The following ALPK2 variants were observed in gnomAD, a reference collection of about 807,000 sequenced individuals.
ALPK2 encodes alpha-protein kinase 2.
Under a neutral mutation model 163.1 loss-of-function variants are expected in ALPK2, and 127 were observed. That is an observed-to-expected ratio of 0.78 (90% CI 0.67 to 0.90). ALPK2 has a LOEUF of 0.90. Among genes scored for constraint, ALPK2 ranks in the 40% least tolerant of loss-of-function variants. ALPK2 has a pLI of 0.00. For synonymous variants in ALPK2, 953 were observed against 959.1 expected (o/e 0.99, Z 0.12); for missense variants, 2,360 against 2,589.6 (o/e 0.91, Z 1.92).
At chr18:58,486,769 G>A (rs1397131768) in intron 12 of ALPK2, among the ~76,000 whole-genome samples, 1 of 152,152 alleles carries the variant, frequency 6.6e-6, no homozygotes, top group Admixed American at 6.5e-5. Context: ...CTGCTGCTTT[G>A]ACCCGTTCTC....
rs888991285 is a variant in ALPK2 at position 58,517,791 on chromosome 18, G to A, written c.5666-609C>T. Reference sequence around the variant, plus strand: ...AATACTGCCTCCATTGAGAAAGCATGTGATAAGTATAGGAAACAGGTAGCA... The same window carrying A: ...AATACTGCCTCCATTGAGAAAGCATATGATAAGTATAGGAAACAGGTAGCA... On this transcript the variant is annotated intron_variant, in intron 8 of 12. Coordinates refer to ENST00000361673, the MANE Select transcript of ALPK2 (RefSeq NM_052947.4). Among the ~76,000 whole-genome samples the A allele has an allele frequency of 3.3e-5, 5 of 151,988 alleles. No individual in the cohort carries two copies. The East Asian group carries it at 9.6e-4, about 29-fold the overall frequency.
At chr18:58,557,286 C>G (rs2051798088) in intron 4 of ALPK2, 1 of 152,188 alleles carries the variant, frequency 6.6e-6, no homozygotes, top group Non-Finnish European at 1.5e-5. Context: ...TGGCTAAGAA[C>G]ACTGCCATAC....
At chr18:58,591,257 A>G (rs555339582) in intron 3 of ALPK2, among the ~76,000 whole-genome samples, 6 of 152,226 alleles carry the variant, frequency 3.9e-5, no homozygotes, top group Non-Finnish European at 7.3e-5. Context: ...CAGATACAGG[A>G]ATTGGAACTA....
intron 12 of ALPK2, among the ~76,000 whole-genome samples, chr18:58,496,879 C>T (rs1247958655): frequency 2.6e-5 from 4 of 152,168 alleles, no homozygotes; most frequent in Non-Finnish European, 1.5e-5. Flanking sequence ...ACCCCTAATA[C>T]CCCCTCTGTG....
rs1415975008 is a variant in ALPK2, at chr18:58,537,281, G to C, written c.2906C>G (p.Ala969Gly). The change falls in exon 5 of 13, where the codon GCA becomes GGA. Residue 969 changes from alanine to glycine, a missense_variant. Coordinates refer to ENST00000361673, the MANE Select transcript of ALPK2 (RefSeq NM_052947.4). ...GGDKSPSPSA[A>G]DTTATPASYS... ...ACTGGCTGGTGTGGCTGTGGTGTCT[G>C]CGGCACTAGGACTGGGGCTCTTGTC... is the stretch of plus-strand genomic sequence containing the variant. 1 of 1,614,198 alleles carries C rather than the reference G, an allele frequency of 6.2e-7. No individual in the cohort carries two copies. The highest frequency in any genetic ancestry group is 8.5e-7 in the Non-Finnish European group (1 of 1,180,018).
chr18:58,580,201 C>T lies in ALPK2; in HGVS notation c.575G>A (p.Gly192Asp). 1 of 1,614,160 alleles carries T rather than the reference C, an allele frequency of 6.2e-7. No homozygotes were observed. Among genetic ancestry groups the T allele is most frequent in the Non-Finnish European group, 8.5e-7 (1 of 1,180,034 alleles). ...TCCAGTGTGCCTTGTTCCTTTAACACCCAAAGGATTTTCAGAACTGGACAC... is the reference window on the plus strand; with the variant it reads ...TCCAGTGTGCCTTGTTCCTTTAACATCCAAAGGATTTTCAGAACTGGACAC... ...ISVSSSENPL[G>D]VKGTRHTGEA... Residue 192 changes from glycine to aspartate, a missense_variant, in exon 4 of 13, where the codon GGT (glycine) becomes GAT (aspartate). Physicochemically the swap from Gly to Asp is moderately conservative, Grantham distance 94. Coordinates refer to ENST00000361673, the MANE Select transcript of ALPK2 (RefSeq NM_052947.4).
intron 3 of ALPK2, among the ~76,000 whole-genome samples, chr18:58,592,355 T>G (rs960292590): frequency 1.3e-5 from 2 of 152,224 alleles, no homozygotes; most frequent in African/African-American, 4.8e-5. Flanking sequence ...CAGCCAGCAC[T>G]TCTGGTGGTT....
Position 58,536,497 on chromosome 18 carries a change from C to T in ALPK2, c.3690G>A (p.Trp1230Ter). The T allele has an allele frequency of 6.2e-7, 1 of 1,613,894 alleles. No homozygotes were observed. The highest frequency in any genetic ancestry group is 2.2e-5 in the East Asian group (1 of 44,892). ...EESKEYRPGN[W>*]EAGNKLKIIT... ...TAATCTTCAGCTTGTTGCCTGCCTC[C>T]CAATTTCCAGGTCTATATTCTTTAG... is the stretch of plus-strand genomic sequence containing the variant. The change falls in exon 5 of 13, where the codon TGG becomes TGA. Residue 1230 changes from tryptophan (W) to a stop codon, truncating the protein, a stop_gained. Transcript: ENST00000361673. LOFTEE classifies it high-confidence loss of function.
chr18:58,549,914 G>A (rs1438919695), intron 4 of ALPK2, among the ~76,000 whole-genome samples: 2 of 152,072 alleles, frequency 1.3e-5, no homozygotes, highest in Non-Finnish European at 2.9e-5. Context: ...CCCTTAGCTT[G>A]CTCCACCACA....
chr18:58,543,246 C>T (rs776300154), intron 4 of ALPK2: 4 of 626,610 alleles, frequency 6.4e-6, no homozygotes, highest in Non-Finnish European at 8.0e-6. Context: ...CCTGGGACTT[C>T]TCAGTCTCCA....
intron 4 of ALPK2, among the ~76,000 whole-genome samples, chr18:58,555,814 C>T (rs2051787452): frequency 6.6e-6 from 1 of 152,166 alleles, no homozygotes; most frequent in South Asian, 2.1e-4. Flanking sequence ...ACTGTGAAGG[C>T]CCTGGGCCTT....
At chr18:58,515,109 C>G in intron 9 of ALPK2, 28 bp from the exon 10 acceptor site, 1 of 1,549,988 alleles carries the variant, frequency 6.5e-7, no homozygotes, top group East Asian at 2.3e-5. Context: ...ATAGAAAGCC[C>G]CAGTGACTAC....
rs1057410371 is a variant in ALPK2 at position 58,598,025 on chromosome 18, G to A, written c.227+9297C>T. Among the ~76,000 whole-genome samples, 11 of 152,222 alleles carry A rather than the reference G, an allele frequency of 7.2e-5. 1 individual carries two copies. The highest frequency in any genetic ancestry group is 2.1e-4 in the South Asian group (1 of 4,830). ...ATCTTGGACCTCCAGCCTCCAGGACGGTGAGAAAGAAACTTCTGTTGTTTA... is the reference window on the plus strand; with the variant it reads ...ATCTTGGACCTCCAGCCTCCAGGACAGTGAGAAAGAAACTTCTGTTGTTTA... On this transcript the variant is annotated intron_variant, in intron 3 of 12. Coordinates refer to ENST00000361673, the MANE Select transcript of ALPK2 (RefSeq NM_052947.4).
intron 4 of ALPK2, among the ~76,000 whole-genome samples, chr18:58,563,824 C>A (rs1191127491): frequency 2.6e-5 from 4 of 152,094 alleles, no homozygotes; most frequent in Non-Finnish European, 4.4e-5. Context: ...GACTCTTGTC[C>A]CGATGGCTCT....
chr18:58,573,238 A>ATATATGTGTATATATG, intron 4 of ALPK2, among the ~76,000 whole-genome samples: 1 of 145,578 alleles, frequency 6.9e-6, no homozygotes, highest in Non-Finnish European at 1.5e-5. Context: ...ATATGTGTGT[A>ATATATGTGTATATATG]TATATGTGTA....
intron 3 of ALPK2, among the ~76,000 whole-genome samples, chr18:58,599,032 T>C (rs892470036): frequency 6.6e-6 from 1 of 152,160 alleles, no homozygotes; most frequent in African/African-American, 2.4e-5. Context: ...GAGGGGCTCT[T>C]GGATCAACCT....
chr18:58,583,118 C>T (rs1338812352), intron 3 of ALPK2, among the ~76,000 whole-genome samples: 4 of 152,080 alleles, frequency 2.6e-5, no homozygotes, highest in Non-Finnish European at 4.4e-5. Flanking sequence ...CTTTGCAGGG[C>T]CATTTAAAAA....
chr18:58,538,084 A>G lies in ALPK2; in HGVS notation c.2103T>C (p.Asn701=). 1 of 1,614,090 alleles carries G rather than the reference A, an allele frequency of 6.2e-7. No individual in the cohort carries two copies. Among genetic ancestry groups the G allele is most frequent in the Non-Finnish European group, 8.5e-7 (1 of 1,180,020 alleles). The change falls in exon 5 of 13, where the codon AAT becomes AAC. Residue 701 remains asparagine, a synonymous_variant. Coordinates refer to ENST00000361673, the MANE Select transcript of ALPK2 (RefSeq NM_052947.4). Reference sequence around the variant, plus strand: ...CCTCCGAGTGTTGAGCTAATGATGCATTTTCCTTGTGGACCCCTCCTAAGT... The same window carrying G: ...CCTCCGAGTGTTGAGCTAATGATGCGTTTTCCTTGTGGACCCCTCCTAAGT... ...FSNLGGVHKE[N]ASLAQHSEVK...
At position 58,579,859 on chromosome 18, in the gene ALPK2, C is replaced by G. The variant is rs750898254; in HGVS notation, c.917G>C (p.Ser306Thr). The G allele has an allele frequency of 6.2e-7, 1 of 1,614,224 alleles. No individual in the cohort carries two copies. Residue 306 changes from serine (S) to threonine (T), a missense_variant, in exon 4 of 13, where the codon AGT becomes ACT. Transcript: ENST00000361673. ...SPQLSSEDSD[S>T]DYELCPEITL... ...TATCTCTGGGCAAAGTTCATAGTCA[C>G]TGTCAGAGTCTTCACTGGAAAGCTG...
Sources: allele counts gnomAD v4.1 joint callset (sites outside exome capture counted in the v4.1 genomes callset), GRCh38; gene constraint gnomAD v4.1.1; transcripts MANE v1.5; gene names NCBI Gene and HGNC (gene_info 2026-07-23, HGNC 2026-07-21).